Variants in SMCO4 observed in about 807,000 individuals in gnomAD.
SMCO4 encodes single-pass membrane and coiled-coil domain-containing protein 4.
SMCO4 carries 4 observed loss-of-function variants against 3.6 expected under a neutral mutation model. The observed-to-expected ratio is 1.11, with a 90% CI of 0.54 to 2.53. SMCO4 has a LOEUF of 2.53. SMCO4 is among the 30% of genes most tolerant of loss of function. The probability of loss-of-function intolerance (pLI) is 0.02; values close to 1 mark genes in which losing one functional copy is unlikely to be tolerated. For missense variants in SMCO4, 70 were observed against 80.8 expected, an observed-to-expected ratio of 0.87 and a Z score of 0.51; for synonymous variants, 36 against 35.3, an observed-to-expected ratio of 1.02 and a Z score of -0.07.
At chr11:93,497,067 A>T (rs1320306433) in intron 2 of SMCO4, among the ~76,000 whole-genome samples, 1 of 152,174 alleles carries the variant, frequency 6.6e-6, no homozygotes, top group Admixed American at 6.5e-5. Flanking sequence ...CTGAAATCAC[A>T]TCCTGCTTTT....
intron 1 of SMCO4, among the ~76,000 whole-genome samples, chr11:93,506,864 G>T (rs1285387231): frequency 6.6e-6 from 1 of 152,144 alleles, no homozygotes; most frequent in East Asian, 1.9e-4. Context: ...CGGCACTTCC[G>T]CTGCAGGCCA....
At chr11:93,531,045 T>C (rs1485640083) in intron 1 of SMCO4, among the ~76,000 whole-genome samples, 1 of 152,208 alleles carries the variant, frequency 6.6e-6, no homozygotes, top group Non-Finnish European at 1.5e-5. Flanking sequence ...GACTGGGCCA[T>C]GGGTGCCCAG....
intron 2 of SMCO4, among the ~76,000 whole-genome samples, chr11:93,497,714 C>A (rs1591309636): frequency 6.6e-6 from 1 of 152,200 alleles, no homozygotes; most frequent in Admixed American, 6.5e-5. Flanking sequence ...CATTGAACTT[C>A]TGAGCTTATT....
intron 2 of SMCO4, among the ~76,000 whole-genome samples, chr11:93,487,722 A>G (rs1245035702): frequency 6.6e-6 from 1 of 152,190 alleles, no homozygotes; most frequent in Non-Finnish European, 1.5e-5. Context: ...TTCATCCTCA[A>G]AGTAACTGTG....
the SMCO4 span, among the ~76,000 whole-genome samples, chr11:93,552,726 C>T: frequency 6.6e-6 from 1 of 152,086 alleles, no homozygotes; most frequent in Non-Finnish European, 1.5e-5. Context: ...CCTGCCTCAG[C>T]CTCCCAAAGT....
chr11:93,488,034 C>G (rs1948670881), intron 2 of SMCO4, among the ~76,000 whole-genome samples: 1 of 152,204 alleles, frequency 6.6e-6, no homozygotes, highest in African/African-American at 2.4e-5. Context: ...TGTGGAGAGA[C>G]AGACAACTAA....
chr11:93,536,893 C>T lies in SMCO4; in HGVS notation c.-154+6383G>A, dbSNP rs541019019. 2.6e-5 allele frequency among the ~76,000 whole-genome samples: 4 copies of T among 152,222 alleles called. No homozygotes were observed. In the South Asian group the frequency reaches 8.3e-4, roughly 32 times the overall value. On this transcript the variant is annotated intron_variant, in intron 1 of 2. Transcript: ENST00000298966. The stretch of plus-strand genomic sequence containing the variant: ...TTGAACAGGTTTCTATGCTGCACTT[C>T]CAGGTCTTCCCAAGACTGACAAAGT...
chr11:93,543,967 A>G (rs1035353320), upstream of SMCO4, among the ~76,000 whole-genome samples: 2 of 152,214 alleles, frequency 1.3e-5, no homozygotes, highest in East Asian at 1.9e-4. Context: ...GCTCAGCATA[A>G]ATAAATGAGA....
At chr11:93,549,567 G>A in the SMCO4 span, among the ~76,000 whole-genome samples, 2 of 152,040 alleles carry the variant, frequency 1.3e-5, no homozygotes, top group Admixed American at 1.3e-4. Flanking sequence ...TCCTGCCTCA[G>A]CCTCCCCAGT....
intron 1 of SMCO4, among the ~76,000 whole-genome samples, chr11:93,539,520 T>A (rs1410753503): frequency 6.6e-6 from 1 of 152,196 alleles, no homozygotes; most frequent in East Asian, 1.9e-4. Context: ...AAGACGACAC[T>A]TCTACTTTTT....
chr11:93,531,606 G>A (rs961821229), intron 1 of SMCO4, among the ~76,000 whole-genome samples: 2 of 152,132 alleles, frequency 1.3e-5, no homozygotes, highest in Non-Finnish European at 2.9e-5. Context: ...ACACAATGAG[G>A]TCATACTGAT....
intron 1 of SMCO4, among the ~76,000 whole-genome samples, chr11:93,503,144 C>T (rs533129531): frequency 7.2e-5 from 11 of 152,186 alleles, no homozygotes; most frequent in African/African-American, 2.7e-4. Context: ...TCCATTTTCA[C>T]GCTGCTGATA....
At chr11:93,524,604 G>A (rs975802334) in intron 1 of SMCO4, among the ~76,000 whole-genome samples, 2 of 152,128 alleles carry the variant, frequency 1.3e-5, no homozygotes, top group African/African-American at 4.8e-5. Flanking sequence ...TGGAGCAGCA[G>A]CATTACTGCC....
chr11:93,514,663 A>G (rs1286920625), intron 1 of SMCO4, among the ~76,000 whole-genome samples: 1 of 152,078 alleles, frequency 6.6e-6, no homozygotes, highest in Non-Finnish European at 1.5e-5. Context: ...TACCCCTTGC[A>G]CAGAGGAGGC....
chr11:93,512,197 G>A (rs1591317266), intron 1 of SMCO4, among the ~76,000 whole-genome samples: 1 of 152,164 alleles, frequency 6.6e-6, no homozygotes, highest in African/African-American at 2.4e-5. Flanking sequence ...GGTTAAATGA[G>A]GACTTAGTGT....
the SMCO4 span, among the ~76,000 whole-genome samples, chr11:93,551,222 A>G: frequency 6.8e-3 from 1,029 of 152,344 alleles, 12 homozygotes; most frequent in African/African-American, 0.023. Context: ...AGAAAGAACA[A>G]GGTTCTATGA....
At chr11:93,511,666 C>T (rs1205363013) in intron 1 of SMCO4, among the ~76,000 whole-genome samples, 1 of 152,140 alleles carries the variant, frequency 6.6e-6, no homozygotes, top group East Asian at 1.9e-4. Context: ...GTGCTTATCA[C>T]CTTGTGCCCT....
At chr11:93,520,307 T>A (rs1949046082) in intron 1 of SMCO4, among the ~76,000 whole-genome samples, 1 of 152,252 alleles carries the variant, frequency 6.6e-6, no homozygotes, top group Non-Finnish European at 1.5e-5. Context: ...ATGATAATGA[T>A]GACGGTAACA....
At chr11:93,501,279 C>T (rs1948835607) in intron 1 of SMCO4, among the ~76,000 whole-genome samples, 1 of 152,198 alleles carries the variant, frequency 6.6e-6, no homozygotes, top group Non-Finnish European at 1.5e-5. Context: ...AGCACATAAA[C>T]AGCAGAAGTG....
Sources: allele counts gnomAD v4.1 joint callset (sites outside exome capture counted in the v4.1 genomes callset), GRCh38; gene constraint gnomAD v4.1.1; transcripts MANE v1.5; gene names NCBI Gene and HGNC (gene_info 2026-07-23, HGNC 2026-07-21).